RREB1: variants seen among roughly 807,000 people sequenced by gnomAD.
The protein encoded by RREB1 is ras responsive element binding protein 1, also known as ras-responsive element-binding protein 1.
A neutral mutation model predicts 117.8 loss-of-function variants in RREB1; 27 were observed. The ratio of observed to expected loss-of-function variants is 0.23; its 90% CI spans 0.17 to 0.32. RREB1 has a LOEUF of 0.32. Among genes scored for constraint, RREB1 ranks in the 10% least tolerant of loss-of-function variants. The probability of loss-of-function intolerance (pLI) is 1.00; values close to 1 mark genes in which losing one functional copy is unlikely to be tolerated. For missense variants in RREB1, 2,577 were observed against 2,378.2 expected, an observed-to-expected ratio of 1.08 and a Z score of -1.74; for synonymous variants, 1,298 against 1,026.7, an observed-to-expected ratio of 1.26 and a Z score of -5.05.
At chr6:7,140,235 T>C (rs989978586) in intron 1 of RREB1, among the ~76,000 whole-genome samples, 1 of 152,194 alleles carries the variant, frequency 6.6e-6, no homozygotes, top group Admixed American at 6.5e-5. Flanking sequence ...CTTTAAAACA[T>C]GGTTTTTTTT....
intron 6 of RREB1, among the ~76,000 whole-genome samples, chr6:7,206,623 G>A (rs1012610842): frequency 2.0e-5 from 2 of 101,920 alleles, no homozygotes; most frequent in African/African-American, 4.6e-5. Context: ...ACAGTCAGAC[G>A]AGTAAAATAC....
intron 2 of RREB1, among the ~76,000 whole-genome samples, chr6:7,180,246 C>T (rs192333673): frequency 2.3e-4 from 35 of 152,006 alleles, no homozygotes; most frequent in Admixed American, 5.9e-4. Context: ...TCCCTTTTGC[C>T]CTTTTGGTAA....
At chr6:7,232,571 C>G (rs1438536664) in intron 10 of RREB1, among the ~76,000 whole-genome samples, 1 of 152,070 alleles carries the variant, frequency 6.6e-6, no homozygotes, top group Non-Finnish European at 1.5e-5. Context: ...TCAGAAGGGC[C>G]TGGCGCTGGT....
rs751722674 is a variant in RREB1 at position 7,210,779 on chromosome 6, T to TTG, written c.426-15_426-14dup. On this transcript the variant is annotated intron_variant, in intron 6 of 12. Coordinates refer to ENST00000379938, the MANE Select transcript of RREB1 (RefSeq NM_001003699.4). ...GAACTGACTTCTTTGTTAGATCACATTGTGTGTGTGTTTGTTCTTTTCAGA... is the reference window on the plus strand; with the variant it reads ...GAACTGACTTCTTTGTTAGATCACATTGTGTGTGTGTGTTTGTTCTTTTCAGA... 6 of 1,589,316 alleles carry TTG rather than the reference T, an allele frequency of 3.8e-6. No homozygotes were observed. The Admixed American group carries it at 7.2e-5, about 19-fold the overall frequency.
chr6:7,168,912 A>G (rs1252470499), intron 1 of RREB1, among the ~76,000 whole-genome samples: 1 of 148,658 alleles, frequency 6.7e-6, no homozygotes, highest in Non-Finnish European at 1.5e-5. Context: ...AAATAACCTA[A>G]TCATTACCTT....
intron 11 of RREB1, among the ~76,000 whole-genome samples, chr6:7,242,443 G>C (rs1768763909): frequency 6.6e-6 from 1 of 152,184 alleles, no homozygotes; most frequent in Non-Finnish European, 1.5e-5. Context: ...AAAAAGAAAA[G>C]TCACTGAAAG....
intron 1 of RREB1, among the ~76,000 whole-genome samples, chr6:7,131,866 T>TC (rs1394860023): frequency 6.6e-6 from 1 of 151,710 alleles, no homozygotes; most frequent in Non-Finnish European, 1.5e-5. Flanking sequence ...TTGAGGACTT[T>TC]TTTTTTTTTT....
Position 7,132,315 on chromosome 6 carries a change from A to G in RREB1, c.-285+24255A>G, listed in dbSNP as rs1762187924. Among the ~76,000 whole-genome samples the G allele has an allele frequency of 2.0e-5, 3 of 152,094 alleles. No individual in the cohort carries two copies. In the South Asian group the frequency reaches 6.2e-4, roughly 32 times the overall value. ...GGTGATCTACCTGCCTCGGCCTTCCAAAGTGCTGGGATTGCAGATGTGAGC... is the reference window on the plus strand; with the variant it reads ...GGTGATCTACCTGCCTCGGCCTTCCGAAGTGCTGGGATTGCAGATGTGAGC... On this transcript the variant is annotated intron_variant, in intron 1 of 12. Transcript: ENST00000379938.
chr6:7,208,647 G>A (rs771552114), intron 6 of RREB1, among the ~76,000 whole-genome samples: 7 of 152,224 alleles, frequency 4.6e-5, no homozygotes, highest in Non-Finnish European at 8.8e-5. Context: ...ACTTCTAGGA[G>A]TGATGCAGTT....
chr6:7,189,680 A>G (rs914625881), intron 6 of RREB1, among the ~76,000 whole-genome samples: 1 of 152,220 alleles, frequency 6.6e-6, no homozygotes, highest in Non-Finnish European at 1.5e-5. Context: ...ATATTTGCAT[A>G]TGCCTACCAG....
rs34678863 is a variant in RREB1, at chr6:7,251,489, CTTTTTTTTTTTT to C, written c.*2532_*2543del. The C allele has an allele frequency of 8.2e-6, 1 of 121,354 alleles. No individual in the cohort carries two copies. Among genetic ancestry groups the C allele is most frequent in the South Asian group, 2.6e-4 (1 of 3,884 alleles). The allele number at this position is 121,354 out of a possible 1,614,324, so 7.5% of individuals were successfully genotyped here. A position where few individuals can be genotyped will look rare whatever the true frequency, so the allele number is the denominator to read the frequency against. On this transcript the variant is annotated 3_prime_UTR_variant, in exon 13 of 13. Coordinates refer to ENST00000379938, the MANE Select transcript of RREB1 (RefSeq NM_001003699.4). ...GTTTTTTGAGGTGCAAGTTTTTTCT[CTTTTTTTTTTTT>C]TTTTTTTTTTCTCATTGATTAATGG...
At chr6:7,244,139 T>G (rs561029889) in intron 11 of RREB1, among the ~76,000 whole-genome samples, 2 of 151,830 alleles carry the variant, frequency 1.3e-5, no homozygotes, top group African/African-American at 4.8e-5. Context: ...GGCTCACACC[T>G]GTAATCCCAG....
At chr6:7,244,319 C>T (rs1346477348) in intron 11 of RREB1, among the ~76,000 whole-genome samples, 2 of 151,540 alleles carry the variant, frequency 1.3e-5, no homozygotes, top group African/African-American at 4.9e-5. Flanking sequence ...ATGCCTATAA[C>T]CTCAGCACTT....
chr6:7,110,479 G>GGTTGTGT (rs1761086427), intron 1 of RREB1, among the ~76,000 whole-genome samples: 1 of 149,520 alleles, frequency 6.7e-6, no homozygotes, highest in East Asian at 1.9e-4. Context: ...TTTTAGGGGT[G>GGTTGTGT]GTGTGTGTGT....
intron 1 of RREB1, among the ~76,000 whole-genome samples, chr6:7,124,311 T>A (rs1226135303): frequency 6.6e-6 from 1 of 152,074 alleles, no homozygotes; most frequent in Non-Finnish European, 1.5e-5. Context: ...ATATGTGTAT[T>A]GGGGAGGCGG....
intron 8 of RREB1, among the ~76,000 whole-genome samples, chr6:7,219,671 A>C (rs1305568570): frequency 6.6e-6 from 1 of 152,188 alleles, no homozygotes; most frequent in East Asian, 1.9e-4. Flanking sequence ...GAAAAGGGAC[A>C]GTAAGGGCTG....
At chr6:7,221,699 CAGGA>C (rs1182060271) in intron 8 of RREB1, among the ~76,000 whole-genome samples, 1 of 152,164 alleles carries the variant, frequency 6.6e-6, no homozygotes, top group East Asian at 1.9e-4. Flanking sequence ...CACTTCTTTT[CAGGA>C]GGCAGGTGAA....
chr6:7,222,391 A>G (rs1767317692), intron 8 of RREB1, among the ~76,000 whole-genome samples: 1 of 152,144 alleles, frequency 6.6e-6, no homozygotes, highest in African/African-American at 2.4e-5. Context: ...GCACATGGAA[A>G]TAAGTTGTCC....
At chr6:7,180,994 C>A in intron 2 of RREB1, 130 bp from the exon 3 acceptor site, 1 of 391,566 alleles carries the variant, frequency 2.6e-6, no homozygotes, top group Non-Finnish European at 4.5e-6. Context: ...GAAAGGCAGA[C>A]ATTGCCTCTC....
Sources: allele counts gnomAD v4.1 joint callset (sites outside exome capture counted in the v4.1 genomes callset), GRCh38; gene constraint gnomAD v4.1.1; transcripts MANE v1.5; gene names NCBI Gene and HGNC (gene_info 2026-07-23, HGNC 2026-07-21).